Variants in PITPNA observed in about 807,000 individuals in gnomAD.
PITPNA encodes phosphatidylinositol transfer protein alpha, also known as phosphatidylinositol transfer protein alpha isoform.
PITPNA carries 13 observed loss-of-function variants against 50.3 expected under a neutral mutation model. The ratio of observed to expected loss-of-function variants is 0.26; its 90% CI spans 0.17 to 0.41. The LOEUF (loss-of-function observed/expected upper bound fraction) is 0.41. PITPNA is among the 10% of genes least tolerant of loss of function. The pLI is 1.00. For missense variants in PITPNA, 207 were observed against 333.4 expected (o/e 0.62, Z 2.95); for synonymous variants, 120 against 119.6 (o/e 1.00, Z -0.02).
intron 11 of PITPNA, among the ~76,000 whole-genome samples, chr17:1,520,759 G>A (rs2075506226): frequency 6.6e-6 from 1 of 152,200 alleles, no homozygotes; most frequent in Non-Finnish European, 1.5e-5. Context: ...TTGGGAACAT[G>A]GGGCAGGGAG....
chr17:1,529,729 C>G (rs1276805303), intron 10 of PITPNA, among the ~76,000 whole-genome samples: 1 of 151,728 alleles, frequency 6.6e-6, no homozygotes, highest in African/African-American at 2.4e-5. Flanking sequence ...GTGGCGGGCA[C>G]CTGTAGTCCC....
At chr17:1,545,832 C>T (rs537609678) in intron 4 of PITPNA, among the ~76,000 whole-genome samples, 1 of 150,838 alleles carries the variant, frequency 6.6e-6, no homozygotes, top group South Asian at 2.1e-4. Context: ...ACACTTGCAA[C>T]ACATGCTCAC....
intron 1 of PITPNA, chr17:1,559,809 A>G: frequency 1.0e-6 from 1 of 982,932 alleles, no homozygotes; most frequent in African/African-American, 1.7e-5. Flanking sequence ...AATGGGCTCC[A>G]AGTCTTTACT....
intron 3 of PITPNA, among the ~76,000 whole-genome samples, chr17:1,551,139 T>C (rs562047411): frequency 6.6e-6 from 1 of 151,942 alleles, no homozygotes; most frequent in Admixed American, 6.5e-5. Context: ...CGGGGCCTGA[T>C]GCGATAAGAA....
At position 1,562,412 on chromosome 17, in the gene PITPNA, G is replaced by A. The variant is rs1370248946; in HGVS notation, c.20+129C>T. 2 of 515,586 alleles carry A rather than the reference G, an allele frequency of 3.9e-6. No individual in the cohort carries two copies. The highest frequency in any genetic ancestry group is 7.6e-5 in the South Asian group (2 of 26,352). The allele number at this position is 515,586 out of a possible 1,614,324, so 31.9% of individuals were successfully genotyped here. ...GATCCCCTCCATCCCCGCTGGGCCC[G>A]CCTCAGGCACCCTCCGTCCCTGCTG... On this transcript the variant is annotated intron_variant, in intron 1 of 11. Coordinates refer to ENST00000313486, the MANE Select transcript of PITPNA (RefSeq NM_006224.4). This position sits in a 1 kb window ranked among gnomAD's most constrained non-coding sequence, Gnocchi z 6.4.
At chr17:1,547,216 C>A (rs934450355) in intron 4 of PITPNA, among the ~76,000 whole-genome samples, 9 of 137,768 alleles carry the variant, frequency 6.5e-5, no homozygotes, top group South Asian at 2.2e-4. Flanking sequence ...AAAAAAAAAA[C>A]CTAGCCGGAC....
chr17:1,532,376 C>T (rs956295533), intron 10 of PITPNA, among the ~76,000 whole-genome samples: 2 of 152,002 alleles, frequency 1.3e-5, no homozygotes, highest in African/African-American at 4.8e-5. Context: ...TGTGAGCCAC[C>T]GTGCCTGGCC....
intron 4 of PITPNA, among the ~76,000 whole-genome samples, chr17:1,543,952 G>A (rs1234122172): frequency 2.6e-5 from 4 of 152,200 alleles, no homozygotes; most frequent in African/African-American, 4.8e-5. Flanking sequence ...ATAGTATCTC[G>A]TCAGCAGAAA....
rs1029402881 is a variant in PITPNA, at chr17:1,543,232, A to C, written c.290-205T>G. On this transcript the variant is annotated intron_variant, in intron 4 of 11. Transcript: ENST00000313486. ...AAATTTCACTCAGACAAACATCCCA[A>C]AAAACCAAACAGGGAATTTAATTAA... is the stretch of plus-strand genomic sequence containing the variant. Among the ~76,000 whole-genome samples the C allele has an allele frequency of 5.3e-5, 8 of 152,144 alleles. No individual in the cohort carries two copies. The East Asian group carries it at 1.5e-3, about 29-fold the overall frequency.
In PITPNA at chr17:1,518,310, T is replaced by G. The variant is rs1044829328; in HGVS notation, c.*2251A>C. 6.6e-6 allele frequency: 1 copy of G among 152,620 alleles called. No individual in the cohort carries two copies. Among genetic ancestry groups the G allele is most frequent in the Non-Finnish European group, 1.5e-5 (1 of 68,072 alleles). 9.5% of individuals were successfully genotyped at this position (152,620 alleles called of 1,614,324 possible). ...TGTTGGGGCTGTGACCCTGGAATTC[T>G]GATGGAAGCAGCTGGTCTGAAGGGG... On this transcript the variant is annotated 3_prime_UTR_variant, in exon 12 of 12. Coordinates refer to ENST00000313486, the MANE Select transcript of PITPNA (RefSeq NM_006224.4).
intron 11 of PITPNA, among the ~76,000 whole-genome samples, chr17:1,521,028 G>A (rs2075508285): frequency 6.6e-6 from 1 of 151,934 alleles, no homozygotes; most frequent in Non-Finnish European, 1.5e-5. Context: ...TGAAACAAGG[G>A]GCCCCCAATC....
chr17:1,534,329 G>A (rs890184641), intron 9 of PITPNA, 108 bp from the exon 10 acceptor site: 43 of 1,378,312 alleles, frequency 3.1e-5, no homozygotes, highest in African/African-American at 3.0e-4. Flanking sequence ...GGGGACGGGC[G>A]GACAGGAGGA....
intron 10 of PITPNA, among the ~76,000 whole-genome samples, chr17:1,525,019 T>C (rs966263838): frequency 6.6e-6 from 1 of 151,868 alleles, no homozygotes; most frequent in African/African-American, 2.4e-5. Flanking sequence ...AGACAGAGTC[T>C]CGCTCTGTCA....
chr17:1,525,759 C>G (rs1567575194), intron 10 of PITPNA, among the ~76,000 whole-genome samples: 1 of 152,168 alleles, frequency 6.6e-6, no homozygotes. Flanking sequence ...CTCAGGTGAT[C>G]CGCCTGCCTT....
intron 7 of PITPNA, chr17:1,538,366 G>T (rs76383317): frequency 0.088 from 13,544 of 153,354 alleles, 741 homozygotes; most frequent in African/African-American, 0.15. Context: ...CCAGTGGACT[G>T]TCCTTTTCCA....
chr17:1,548,743 A>G (rs2075692084), intron 3 of PITPNA, among the ~76,000 whole-genome samples: 1 of 152,200 alleles, frequency 6.6e-6, no homozygotes. Context: ...GATGCCTCCA[A>G]GCATGAACCA....
In PITPNA at chr17:1,529,716, G is replaced by A. The variant is rs562563400; in HGVS notation, c.768+4383C>T. Among the ~76,000 whole-genome samples the A allele has an allele frequency of 3.9e-5, 6 of 151,974 alleles. No individual in the cohort carries two copies. In the East Asian group the frequency reaches 7.8e-4, roughly 20 times the overall value. Reference sequence around the variant, plus strand: ...CTAAAAATACAAAAATTAGCCAGGCGTGGTGGCGGGCACCTGTAGTCCCAG... The same window carrying A: ...CTAAAAATACAAAAATTAGCCAGGCATGGTGGCGGGCACCTGTAGTCCCAG... On this transcript the variant is annotated intron_variant, in intron 10 of 11. Transcript: ENST00000313486.
chr17:1,533,690 C>G (rs1029764976), intron 10 of PITPNA, among the ~76,000 whole-genome samples: 7 of 152,202 alleles, frequency 4.6e-5, no homozygotes, highest in African/African-American at 1.4e-4. Context: ...CAGCTGTCAG[C>G]TCCTGCGTGC....
intron 6 of PITPNA, 59 bp downstream of exon 6, chr17:1,541,507 A>C: frequency 8.4e-7 from 1 of 1,187,104 alleles, no homozygotes; most frequent in East Asian, 2.3e-5. Context: ...AGCCCTGGAG[A>C]GGCTACAAGG....
Sources: allele counts gnomAD v4.1 joint callset (sites outside exome capture counted in the v4.1 genomes callset), GRCh38; gene constraint gnomAD v4.1.1; non-coding constraint Gnocchi (gnomAD v3.1); transcripts MANE v1.5; gene names NCBI Gene and HGNC (gene_info 2026-07-23, HGNC 2026-07-21).